SLC28A3: variants seen among roughly 807,000 people sequenced by gnomAD.
The protein encoded by SLC28A3 is solute carrier family 28 member 3.
Under a neutral mutation model 84.2 loss-of-function variants are expected in SLC28A3, and 68 were observed. That is an observed-to-expected ratio of 0.81 (90% CI 0.66 to 0.99). The LOEUF is 0.99. Ranked by LOEUF, SLC28A3 falls within the 50% of genes least tolerant of loss-of-function variation. The probability of loss-of-function intolerance (pLI) is 0.00; values close to 1 mark genes in which losing one functional copy is unlikely to be tolerated. For missense variants in SLC28A3, 712 were observed against 841.5 expected, an observed-to-expected ratio of 0.85 and a Z score of 1.90; for synonymous variants, 267 against 303.6, an observed-to-expected ratio of 0.88 and a Z score of 1.25.
chr9:84,322,534 A>G (rs1826413989), intron 1 of SLC28A3, among the ~76,000 whole-genome samples: 1 of 152,202 alleles, frequency 6.6e-6, no homozygotes, highest in Admixed American at 6.5e-5. Context: ...ATAAATGTAA[A>G]TTACTCAAAT....
At chr9:84,351,769 G>C in the SLC28A3 span, among the ~76,000 whole-genome samples, 1 of 151,656 alleles carries the variant, frequency 6.6e-6, no homozygotes, top group African/African-American at 2.4e-5. Flanking sequence ...TAAATTTCCT[G>C]ATCTTGATAA....
intron 17 of SLC28A3, among the ~76,000 whole-genome samples, 162 bp downstream of exon 17, chr9:84,279,102 AT>A (rs1323702072): frequency 1.3e-5 from 2 of 151,244 alleles, no homozygotes; most frequent in African/African-American, 4.9e-5. Flanking sequence ...AAGTTATAAA[AT>A]TAAGTCGATG....
At chr9:84,303,656 C>T (rs1322488274) in intron 4 of SLC28A3, among the ~76,000 whole-genome samples, 1 of 152,144 alleles carries the variant, frequency 6.6e-6, no homozygotes, top group Non-Finnish European at 1.5e-5. Context: ...ACCAGTTTTA[C>T]AAGGCATTTC....
intron 3 of SLC28A3, among the ~76,000 whole-genome samples, chr9:84,308,138 G>A (rs1825866254): frequency 6.6e-6 from 1 of 152,184 alleles, no homozygotes; most frequent in African/African-American, 2.4e-5. Context: ...CTACTTGCGA[G>A]GCTGAGGTGG....
At chr9:84,318,019 C>T (rs1444978536) in intron 1 of SLC28A3, among the ~76,000 whole-genome samples, 2 of 152,138 alleles carry the variant, frequency 1.3e-5, no homozygotes, top group Non-Finnish European at 2.9e-5. Flanking sequence ...TGTTATTCTT[C>T]GACTGCATGG....
chr9:84,306,508 G>A (rs964556842), intron 3 of SLC28A3, among the ~76,000 whole-genome samples: 14 of 152,088 alleles, frequency 9.2e-5, no homozygotes, highest in African/African-American at 3.4e-4. Context: ...GTTTTGTTAT[G>A]AACCCATTAC....
chr9:84,319,244 A>C (rs1826279547), intron 1 of SLC28A3, among the ~76,000 whole-genome samples: 1 of 152,246 alleles, frequency 6.6e-6, no homozygotes, highest in Non-Finnish European at 1.5e-5. Context: ...GTTCAGCTTT[A>C]TTTATCTATG....
chr9:84,327,386 A>C (rs1826605377), intron 1 of SLC28A3, among the ~76,000 whole-genome samples: 1 of 150,224 alleles, frequency 6.7e-6, no homozygotes, highest in Non-Finnish European at 1.5e-5. Context: ...AAAGACTTGC[A>C]GCAATCCAGA....
Position 84,285,393 on chromosome 9 carries a change from C to T in SLC28A3, c.1599G>A (p.Arg533=). The change falls in exon 14 of 18, where the codon AGG becomes AGA. Residue 533 remains arginine (R), a synonymous_variant. Coordinates refer to ENST00000376238, the MANE Select transcript of SLC28A3 (RefSeq NM_001199633.2). The stretch of plus-strand genomic sequence containing the variant: ...TTACAAATTTGGGTCCACCTTCTTT[C>T]CTCAAGTGGATCCATTTTGAGAGGT... ...YEHLSKWIHL[R]KEGGPKFVNG... 1.9e-6 allele frequency: 3 copies of T among 1,614,034 alleles called. No homozygotes were observed. Among genetic ancestry groups the T allele is most frequent in the Non-Finnish European group, 1.7e-6 (2 of 1,179,940 alleles).
At chr9:84,341,866 C>T (rs951111651), upstream of SLC28A3, among the ~76,000 whole-genome samples, 6 of 152,096 alleles carry the variant, frequency 3.9e-5, no homozygotes, top group East Asian at 3.9e-4. Flanking sequence ...CGGTGGCTCA[C>T]GCCTGTAATC....
intron 1 of SLC28A3, among the ~76,000 whole-genome samples, chr9:84,323,706 A>G (rs1826457149): frequency 6.6e-6 from 1 of 152,096 alleles, no homozygotes; most frequent in Non-Finnish European, 1.5e-5. Flanking sequence ...TACAGGCATG[A>G]GAAAGAAAAA....
In SLC28A3 at chr9:84,292,678, A is replaced by C. The variant is rs1431338991; in HGVS notation, c.1013T>G (p.Phe338Cys). 2.5e-6 allele frequency: 4 copies of C among 1,609,408 alleles called. No individual in the cohort carries two copies. Among genetic ancestry groups the C allele is most frequent in the Non-Finnish European group, 3.4e-6 (4 of 1,178,254 alleles). ...IESVVASGNI[F>C]VGQTESPLLV... ...GATATTACAACTTACTTGTCCAACA[A>C]ATATATTGCCAGAAGCAACTACAGA... The change falls in exon 10 of 18, where the codon TTT (phenylalanine) becomes TGT (cysteine). Residue 338 changes from phenylalanine to cysteine, a missense_variant. Physicochemically the swap from Phe to Cys is radical, Grantham distance 205. Transcript: ENST00000376238.
chr9:84,350,196 C>A, the SLC28A3 span, among the ~76,000 whole-genome samples: 1 of 152,214 alleles, frequency 6.6e-6, no homozygotes, highest in African/African-American at 2.4e-5. Context: ...ATCCCAGCAA[C>A]TTTGGGAGGC....
intron 1 of SLC28A3, among the ~76,000 whole-genome samples, chr9:84,335,074 T>C (rs1826923463): frequency 6.6e-6 from 1 of 152,158 alleles, no homozygotes; most frequent in Non-Finnish European, 1.5e-5. Context: ...ATATCTATGC[T>C]AACAGCTCCC....
chr9:84,284,047 T>C (rs1425255069), intron 14 of SLC28A3, among the ~76,000 whole-genome samples: 1 of 152,232 alleles, frequency 6.6e-6, no homozygotes, highest in East Asian at 1.9e-4. Flanking sequence ...GCTCTACTGT[T>C]CTGTCTCTAC....
upstream of SLC28A3, among the ~76,000 whole-genome samples, chr9:84,342,891 C>T (rs899670721): frequency 6.6e-6 from 1 of 152,126 alleles, no homozygotes; most frequent in African/African-American, 2.4e-5. Flanking sequence ...TGGCCAGGCA[C>T]AGTGGCTCCC....
At chr9:84,313,275 T>C in intron 2 of SLC28A3, 84 bp downstream of exon 2, 1 of 1,191,932 alleles carries the variant, frequency 8.4e-7, no homozygotes, top group South Asian at 1.4e-5. Context: ...TGGGGCGCCA[T>C]GCTTTCTGTG....
chr9:84,284,422 G>T (rs1554723082), intron 14 of SLC28A3, among the ~76,000 whole-genome samples: 1 of 152,198 alleles, frequency 6.6e-6, no homozygotes, highest in Non-Finnish European at 1.5e-5. Flanking sequence ...GAGTAAATCT[G>T]CAGGCTTGTT....
At chr9:84,313,323 A>G (rs751003673) in intron 2 of SLC28A3, 36 bp downstream of exon 2, 3 of 1,574,884 alleles carry the variant, frequency 1.9e-6, no homozygotes, top group South Asian at 1.1e-5. Context: ...AGCGGCTGCC[A>G]TGGTACTAGA....
Sources: gnomAD v4.1 joint callset for allele counts (sites outside exome capture counted in the v4.1 genomes callset) on GRCh38, gnomAD v4.1.1 for gene constraint, MANE v1.5 for transcripts, NCBI Gene and HGNC (gene_info 2026-07-23, HGNC 2026-07-21) for gene names.